KLHL29: variants seen among roughly 807,000 people sequenced by gnomAD.
KLHL29 encodes the protein kelch-like protein 29.
A neutral mutation model predicts 80.4 loss-of-function variants in KLHL29; 21 were observed. The observed-to-expected ratio is 0.26, with a 90% confidence interval of 0.19 to 0.38. KLHL29 has a LOEUF of 0.38. Ranked by LOEUF, KLHL29 falls within the 10% of genes least tolerant of loss-of-function variation. The pLI, the probability that KLHL29 is intolerant of heterozygous loss-of-function variation, is 1.00. For missense variants in KLHL29, 867 were observed against 1,223.9 expected, an observed-to-expected ratio of 0.71 and a Z score of 4.35; for synonymous variants, 511 against 526.8, an observed-to-expected ratio of 0.97 and a Z score of 0.41.
At chr2:23,626,667 G>A (rs1402350076) in intron 3 of KLHL29, among the ~76,000 whole-genome samples, 1 of 152,240 alleles carries the variant, frequency 6.6e-6, no homozygotes, top group Non-Finnish European at 1.5e-5. Context: ...TGTGGGGTGG[G>A]AGGGGGGCCG....
chr2:23,560,144 G>A (rs1171869180), intron 2 of KLHL29, among the ~76,000 whole-genome samples: 1 of 152,170 alleles, frequency 6.6e-6, no homozygotes, highest in African/African-American at 2.4e-5. Flanking sequence ...GAGTGAACAG[G>A]ACGAGGAAAC....
intron 3 of KLHL29, among the ~76,000 whole-genome samples, chr2:23,597,305 A>ATGTGTGTGTGTGTG (rs1414492384): frequency 0.023 from 2,228 of 97,126 alleles, 45 homozygotes; most frequent in East Asian, 0.076. Flanking sequence ...TCATATATAT[A>ATGTGTGTGTGTGTG]TATATGTGTG....
chr2:23,436,390 T>C (rs1463560501), intron 1 of KLHL29, among the ~76,000 whole-genome samples: 1 of 150,220 alleles, frequency 6.7e-6, no homozygotes, highest in Non-Finnish European at 1.5e-5. Flanking sequence ...AAAGCCATCT[T>C]TGAGAGCCAC....
At chr2:23,638,760 T>C (rs756134797) in intron 3 of KLHL29, among the ~76,000 whole-genome samples, 12 of 152,194 alleles carry the variant, frequency 7.9e-5, no homozygotes, top group Non-Finnish European at 1.6e-4. Context: ...CCCGATAAGT[T>C]GGTAGCATCT....
chr2:23,613,779 A>AC (rs1558408712), intron 3 of KLHL29, among the ~76,000 whole-genome samples: 1 of 149,910 alleles, frequency 6.7e-6, no homozygotes, highest in Non-Finnish European at 1.5e-5. Context: ...AAAAAAAAAA[A>AC]AAAAAAAAAA....
chr2:23,493,673 A>G (rs6741991), intron 2 of KLHL29, among the ~76,000 whole-genome samples: 43,930 of 151,884 alleles, frequency 0.29, 6,560 homozygotes, highest in Admixed American at 0.37. Context: ...ATGTGTGTGC[A>G]TGTGTATGTG....
intron 3 of KLHL29, among the ~76,000 whole-genome samples, chr2:23,565,961 C>T (rs889171612): frequency 2.0e-5 from 3 of 152,262 alleles, no homozygotes; most frequent in Non-Finnish European, 4.4e-5. Context: ...CATCACCCTC[C>T]CCACCCAGCC....
intron 5 of KLHL29, chr2:23,644,220 T>C (rs1669857099): frequency 6.6e-6 from 1 of 151,730 alleles, no homozygotes. Flanking sequence ...TTTAAAAAAA[T>C]GACTAAATTG....
intron 1 of KLHL29, among the ~76,000 whole-genome samples, chr2:23,433,086 C>T (rs1211086511): frequency 6.6e-6 from 1 of 152,184 alleles, no homozygotes; most frequent in South Asian, 2.1e-4. Context: ...GAGGGGAGCA[C>T]CTCCTGCCGT....
intron 1 of KLHL29, among the ~76,000 whole-genome samples, chr2:23,432,239 C>T (rs576588465): frequency 1.8e-4 from 27 of 152,248 alleles, no homozygotes; most frequent in Non-Finnish European, 2.9e-4. Flanking sequence ...AAATCTAATT[C>T]GTCCTTGTTA....
intron 3 of KLHL29, among the ~76,000 whole-genome samples, chr2:23,608,089 G>GT (rs1668773583): frequency 6.6e-6 from 1 of 152,196 alleles, no homozygotes; most frequent in South Asian, 2.1e-4. Context: ...GTAGTCAGTA[G>GT]TTGACCCAAA....
intron 1 of KLHL29, among the ~76,000 whole-genome samples, chr2:23,412,062 AGGTGG>A (rs1379562804): frequency 7.0e-6 from 1 of 143,442 alleles, no homozygotes; most frequent in Admixed American, 7.4e-5. Flanking sequence ...TGGGAATGTG[AGGTGG>A]TTTCCATGCT....
chr2:23,434,320 CAAAAAAAAAA>C (rs34991893), intron 1 of KLHL29, among the ~76,000 whole-genome samples: 1 of 54,912 alleles, frequency 1.8e-5, no homozygotes. Context: ...GACTCCGTCT[CAAAAAAAAAA>C]AAAAAAAAAA....
intron 1 of KLHL29, among the ~76,000 whole-genome samples, chr2:23,454,243 T>G (rs1300911201): frequency 3.2e-5 from 4 of 125,858 alleles, no homozygotes. Context: ...CCCCGGCCCC[T>G]TGAGATCTGG....
intron 2 of KLHL29, among the ~76,000 whole-genome samples, chr2:23,480,617 G>T (rs982560961): frequency 2.0e-5 from 3 of 152,202 alleles, no homozygotes; most frequent in Non-Finnish European, 4.4e-5. Flanking sequence ...TTATTACCAA[G>T]TTCCTGAATT....
At chr2:23,614,632 T>A (rs1668955711) in intron 3 of KLHL29, among the ~76,000 whole-genome samples, 1 of 152,104 alleles carries the variant, frequency 6.6e-6, no homozygotes. Flanking sequence ...ACACATAATA[T>A]TGATAAGTGC....
rs1456342915 is a variant in KLHL29 at position 23,642,334 on chromosome 2, G to A, written c.428-4G>A. 9 of 1,406,822 alleles carry A rather than the reference G, an allele frequency of 6.4e-6. No homozygotes were observed. The highest frequency in any genetic ancestry group is 2.9e-5 in the African/African-American group (2 of 69,016). The allele number at this position is 1,406,822 out of a possible 1,614,324, so 87.1% of individuals were successfully genotyped here. On this transcript the variant is annotated splice_polypyrimidine_tract_variant and splice_region_variant and intron_variant, in intron 4 of 13. Transcript: ENST00000486442. The stretch of plus-strand genomic sequence containing the variant: ...AGATGACGTTTCTTCCATCTCCCTT[G>A]CAGGCACAGGGCCATGGGTGACCAC...
At chr2:23,425,654 C>A (rs1662986008) in intron 1 of KLHL29, among the ~76,000 whole-genome samples, 2 of 152,192 alleles carry the variant, frequency 1.3e-5, no homozygotes, top group South Asian at 4.1e-4. Flanking sequence ...AGACTGCAGC[C>A]CCGAAAGGAG....
At chr2:23,486,425 C>T (rs1664934530) in intron 2 of KLHL29, among the ~76,000 whole-genome samples, 1 of 151,774 alleles carries the variant, frequency 6.6e-6, no homozygotes, top group Admixed American at 6.6e-5. Flanking sequence ...CTCTTTGGAT[C>T]TTGTTGTTTT....
Sources: allele counts gnomAD v4.1 joint callset (sites outside exome capture counted in the v4.1 genomes callset), GRCh38; gene constraint gnomAD v4.1.1; transcripts MANE v1.5; gene names NCBI Gene and HGNC (gene_info 2026-07-23, HGNC 2026-07-21).